Variants in LOXHD1 observed in about 807,000 individuals in gnomAD.
LOXHD1 encodes the protein lipoxygenase homology PLAT domains 1.
In LOXHD1, 205 loss-of-function variants were observed where a neutral mutation model predicts 248.2. The observed-to-expected ratio is 0.83, with a 90% CI of 0.74 to 0.93. LOXHD1 has a LOEUF of 0.93. Ranked by LOEUF, LOXHD1 falls within the 40% of genes least tolerant of loss-of-function variation. The pLI is 0.00. For missense variants in LOXHD1, 2,930 were observed against 2,971.6 expected, an observed-to-expected ratio of 0.99 and a Z score of 0.33; for synonymous variants, 1,113 against 1,162.8, an observed-to-expected ratio of 0.96 and a Z score of 0.87.
intron 34 of LOXHD1, among the ~76,000 whole-genome samples, chr18:46,516,342 A>T (rs1056454370): frequency 1.3e-5 from 2 of 152,216 alleles, no homozygotes; most frequent in African/African-American, 4.8e-5. Flanking sequence ...CATGTTAGCC[A>T]TTATTATTAT....
At chr18:46,612,352 T>C (rs1442527197) in intron 5 of LOXHD1, among the ~76,000 whole-genome samples, 3 of 152,220 alleles carry the variant, frequency 2.0e-5, no homozygotes, top group Admixed American at 6.5e-5. Flanking sequence ...CCACCAGTAG[T>C]ATATGAAGAT....
chr18:46,592,456 C>G (rs754152496), intron 11 of LOXHD1, 42 bp downstream of exon 11: 1 of 1,486,346 alleles, frequency 6.7e-7, no homozygotes, highest in Non-Finnish European at 9.2e-7. Flanking sequence ...ATCCTTGTTC[C>G]TTTCCCAACA....
intron 12 of LOXHD1, among the ~76,000 whole-genome samples, chr18:46,580,282 C>T (rs376109563): frequency 7.9e-5 from 12 of 152,354 alleles, no homozygotes; most frequent in African/African-American, 2.9e-4. Flanking sequence ...AACCTTTTGC[C>T]TTAGGTTGTT....
intron 40 of LOXHD1, among the ~76,000 whole-genome samples, chr18:46,480,193 C>A (rs905409146): frequency 4.6e-5 from 7 of 152,148 alleles, no homozygotes; most frequent in African/African-American, 1.7e-4. Context: ...CATATACATA[C>A]TTTTCTAAAC....
At chr18:46,536,669 A>C (rs2036325263) in intron 26 of LOXHD1, among the ~76,000 whole-genome samples, 1 of 152,188 alleles carries the variant, frequency 6.6e-6, no homozygotes, top group Admixed American at 6.5e-5. Context: ...TCTTGGGTGG[A>C]TGAGATGTTA....
Position 46,557,532 on chromosome 18 carries a change from C to A in LOXHD1, c.3217-43G>T, listed in dbSNP as rs1156352614. 1.9e-6 allele frequency: 3 copies of A among 1,550,606 alleles called. No homozygotes were observed. In the African/African-American group the frequency reaches 4.1e-5, roughly 21 times the overall value. ...ACACTCAGTGGGGTAAGACCTACCC[C>A]TCCCCACATGGCCATCAGCCCCATC... On this transcript the variant is annotated intron_variant, in intron 20 of 40. Transcript: ENST00000642948.
chr18:46,532,688 T>A (rs1366560375), intron 28 of LOXHD1, among the ~76,000 whole-genome samples: 1 of 152,198 alleles, frequency 6.6e-6, no homozygotes, highest in Non-Finnish European at 1.5e-5. Context: ...TCTAGAGCCA[T>A]GCCAAACTAC....
chr18:46,599,862 A>G (rs2038309204), intron 8 of LOXHD1, among the ~76,000 whole-genome samples: 1 of 152,208 alleles, frequency 6.6e-6, no homozygotes, highest in Non-Finnish European at 1.5e-5. Flanking sequence ...AAACCACAAC[A>G]GGATCATTTT....
chr18:46,518,013 G>A (rs1324976409), intron 34 of LOXHD1, 116 bp downstream of exon 34: 12 of 1,283,118 alleles, frequency 9.4e-6, no homozygotes, highest in Non-Finnish European at 6.6e-6. Context: ...GCAGAGGAAG[G>A]AAGGCCTCAT....
chr18:46,644,867 G>A (rs73953872), intron 2 of LOXHD1, among the ~76,000 whole-genome samples: 4,710 of 152,274 alleles, frequency 0.031, 241 homozygotes, highest in African/African-American at 0.11. Context: ...GGGGAGGAGC[G>A]TATGTGGAAG....
chr18:46,566,214 C>G (rs1313113527), intron 17 of LOXHD1, 43 bp downstream of exon 17: 1 of 1,516,500 alleles, frequency 6.6e-7, no homozygotes, highest in Admixed American at 2.0e-5. Context: ...GCCCCATCCC[C>G]CATGGGAAAC....
chr18:46,654,549 C>T (rs1256933381), intron 1 of LOXHD1, among the ~76,000 whole-genome samples: 1 of 152,242 alleles, frequency 6.6e-6, no homozygotes, highest in Non-Finnish European at 1.5e-5. Context: ...ATTGAGGGAG[C>T]TGCTCTCCTC....
rs142891469 is a variant in LOXHD1, at chr18:46,592,996, C to T, written c.1432-412G>A. On this transcript the variant is annotated intron_variant, in intron 10 of 40. Transcript: ENST00000642948. ...ATCAACAAGCAGTCATGCCCTTTCT[C>T]TAGGGGCTCATAGTCTAGCAGAAAA... Among the ~76,000 whole-genome samples the T allele has an allele frequency of 4.5e-3, 679 of 152,286 alleles. 7 individuals are homozygous for T. The highest frequency in any genetic ancestry group is 0.014 in the African/African-American group (594 of 41,542).
intron 38 of LOXHD1, 82 bp downstream of exon 38, chr18:46,488,890 C>A (rs886101339): frequency 6.9e-7 from 1 of 1,443,844 alleles, no homozygotes; most frequent in African/African-American, 1.4e-5. Flanking sequence ...TGGCACCTGA[C>A]CCCCCTCCAG....
chr18:46,546,907 G>A lies in LOXHD1; in HGVS notation c.3502C>T (p.Leu1168=). The A allele has an allele frequency of 1.3e-6, 2 of 1,550,790 alleles. No homozygotes were observed. The highest frequency in any genetic ancestry group is 1.7e-6 in the Non-Finnish European group (2 of 1,146,240). The change falls in exon 22 of 41, where the codon CTG becomes TTG. Residue 1168 remains leucine, a synonymous_variant. Coordinates refer to ENST00000642948, the MANE Select transcript of LOXHD1 (RefSeq NM_001384474.1). ...TAGTTTAGAAAACCTTTCTGCTCCAGGGCCAGGTTGTCGAGGGGGTTGTTG... is the reference window on the plus strand; with the variant it reads ...TAGTTTAGAAAACCTTTCTGCTCCAAGGCCAGGTTGTCGAGGGGGTTGTTG... ...GDNNPLDNLA[L]EQKDKSTTFS...
At position 46,577,798 on chromosome 18, in the gene LOXHD1, T is replaced by G. The variant is rs1131691796; in HGVS notation, c.1879A>C (p.Lys627Gln). The change falls in exon 14 of 41, where the codon AAA (lysine) becomes CAA (glutamine). Residue 627 changes from lysine (K) to glutamine (Q), a missense_variant. Transcript: ENST00000642948. The part of the protein sequence containing the change: ...VRRVRIRHDG[K>Q]GSGSGWYLDR... ...AGGTACCAGCCGCTGCCGGAGCCTT[T>G]GCCATCGTGTCTGATCCTCACCCGC... 1 of 1,551,690 alleles carries G rather than the reference T, an allele frequency of 6.4e-7. No homozygotes were observed. The highest frequency in any genetic ancestry group is 8.7e-7 in the Non-Finnish European group (1 of 1,147,004).
At chr18:46,639,311 A>G (rs1437513098) in intron 4 of LOXHD1, among the ~76,000 whole-genome samples, 2 of 152,232 alleles carry the variant, frequency 1.3e-5, no homozygotes, top group Non-Finnish European at 2.9e-5. Flanking sequence ...CTTCCGATAG[A>G]TACCCCATCA....
chr18:46,509,570 G>A (rs2034817146), intron 35 of LOXHD1, 128 bp downstream of exon 35: 1 of 747,404 alleles, frequency 1.3e-6, no homozygotes, highest in African/African-American at 1.7e-5. Context: ...GGATCATATG[G>A]GCTGGGTTCA....
intron 7 of LOXHD1, among the ~76,000 whole-genome samples, chr18:46,602,390 G>A (rs2038353264): frequency 6.6e-6 from 1 of 151,880 alleles, no homozygotes. Context: ...ATTTTTAGTA[G>A]AGACAGGTTT....
Sources: allele counts gnomAD v4.1 joint callset (sites outside exome capture counted in the v4.1 genomes callset), GRCh38; gene constraint gnomAD v4.1.1; transcripts MANE v1.5; gene names NCBI Gene and HGNC (gene_info 2026-07-23, HGNC 2026-07-21).